Variants in FSIP2 observed in about 807,000 individuals in gnomAD.
The protein encoded by FSIP2 is fibrous sheath-interacting protein 2.
A neutral mutation model predicts 510.5 loss-of-function variants in FSIP2; 367 were observed. That is an observed-to-expected ratio of 0.72 (90% CI 0.66 to 0.78). FSIP2 has a LOEUF of 0.78. Among genes scored for constraint, FSIP2 ranks in the 30% least tolerant of loss-of-function variants. The pLI is 0.00. For missense variants in FSIP2, 7,594 were observed against 7,901.7 expected (o/e 0.96, Z 1.48); for synonymous variants, 2,601 against 2,732.2 (o/e 0.95, Z 1.50).
Position 185,802,545 on chromosome 2 carries a change from T to G in FSIP2, c.13239T>G (p.Ile4413Met), listed in dbSNP as rs1388000106. The G allele has an allele frequency of 6.5e-7, 1 of 1,530,128 alleles. No homozygotes were observed. The highest frequency in any genetic ancestry group is 1.4e-5 in the African/African-American group (1 of 72,622). 94.8% of individuals were successfully genotyped at this position (1,530,128 alleles called of 1,614,324 possible). Residue 4413 changes from isoleucine to methionine, a missense_variant, in exon 17 of 23, where the codon ATT becomes ATG. Transcript: ENST00000424728. ...TTACCAATTTAATTGTAGCAGCTAT[T>G]TCAGATTACCTTCTTCATCCACTGT... ...ENITNLIVAAISDYLLHPLFS... is the reference protein window; with the variant it reads ...ENITNLIVAAMSDYLLHPLFS...
chr2:185,745,116 G>T (rs1187323149), intron 4 of FSIP2: 1 of 171,144 alleles, frequency 5.8e-6, no homozygotes, highest in East Asian at 1.6e-4. Flanking sequence ...AAACAAGAAA[G>T]ACTTTAATAT....
At chr2:185,750,549 T>A (rs1692123725) in intron 7 of FSIP2, among the ~76,000 whole-genome samples, 1 of 150,652 alleles carries the variant, frequency 6.6e-6, no homozygotes, top group Non-Finnish European at 1.5e-5. Flanking sequence ...TCTTCTTATT[T>A]CTCTTTTTCT....
rs1693641933 is a variant in FSIP2, at chr2:185,808,400, C to A, written c.19094C>A (p.Ser6365Tyr). ...FLAKLIRLPS[S>Y]SSKDEKNLSK... is the part of the protein sequence containing the mutation. Reference sequence around the variant, plus strand: ...GCTAAACTAATAAGGTTGCCAAGTTCCTCAAGCAAAGATGAAAAAAACTTA... The same window carrying A: ...GCTAAACTAATAAGGTTGCCAAGTTACTCAAGCAAAGATGAAAAAAACTTA... Residue 6365 changes from serine to tyrosine, a missense_variant, in exon 17 of 23, where the codon TCC (serine) becomes TAC (tyrosine). Coordinates refer to ENST00000424728, the MANE Select transcript of FSIP2 (RefSeq NM_173651.4). 1 of 1,609,936 alleles carries A rather than the reference C, an allele frequency of 6.2e-7. No homozygotes were observed. Among genetic ancestry groups the A allele is most frequent in the East Asian group, 2.2e-5 (1 of 44,586 alleles).
In FSIP2 at chr2:185,806,806, T is replaced by G; in HGVS notation, c.17500T>G (p.Ser5834Ala). 2 of 1,611,726 alleles carry G rather than the reference T, an allele frequency of 1.2e-6. No individual in the cohort carries two copies. The highest frequency in any genetic ancestry group is 2.2e-5 in the South Asian group (2 of 90,858). The change falls in exon 17 of 23, where the codon TCA (serine) becomes GCA (alanine). Residue 5834 changes from serine (S) to alanine (A), a missense_variant. Physicochemically the swap from Ser to Ala is moderately conservative, Grantham distance 99. Transcript: ENST00000424728. ...TGACACTGCTATGAAACTCATCAAT[T>G]CACTGTTAAAGGAGTTCTCAGATGC... ...LYDTAMKLINSLLKEFSDAQI... is the reference protein window; with the variant it reads ...LYDTAMKLINALLKEFSDAQI...
chr2:185,745,372 A>T, intron 4 of FSIP2, 57 bp from the exon 5 acceptor site: 1 of 1,039,080 alleles, frequency 9.6e-7, no homozygotes, highest in Non-Finnish European at 1.3e-6. Flanking sequence ...AAATGGTTTT[A>T]TTTCTGGGAA....
intron 13 of FSIP2, among the ~76,000 whole-genome samples, chr2:185,770,029 T>A (rs751387480): frequency 1.1e-4 from 17 of 152,256 alleles, no homozygotes; most frequent in Middle Eastern, 3.4e-3. Flanking sequence ...GTTCTTTTTG[T>A]TTAGGATTGC....
intron 8 of FSIP2, among the ~76,000 whole-genome samples, 194 bp downstream of exon 8, chr2:185,754,036 T>G (rs1225610006): frequency 1.3e-5 from 2 of 151,480 alleles, no homozygotes; most frequent in African/African-American, 4.8e-5. Flanking sequence ...TATAACAATC[T>G]CATCAATTGG....
Position 185,745,564 on chromosome 2 carries a change from C to T in FSIP2, c.613C>T (p.His205Tyr). The T allele has an allele frequency of 6.5e-7, 1 of 1,531,080 alleles. No individual in the cohort carries two copies. Among genetic ancestry groups the T allele is most frequent in the Non-Finnish European group, 8.7e-7 (1 of 1,144,526 alleles). 94.8% of individuals were successfully genotyped at this position (1,531,080 alleles called of 1,614,324 possible). A position where few individuals can be genotyped will look rare whatever the true frequency, so the allele number is the denominator to read the frequency against. The part of the protein sequence containing the change: ...SIKDQERLMR[H>Y]RYLDMISRKL... Reference sequence around the variant, plus strand: ...TAAGGACCAGGAGCGGCTGATGAGGCATAGGTAAGATTAAAGTTGAGGCAT... The same window carrying T: ...TAAGGACCAGGAGCGGCTGATGAGGTATAGGTAAGATTAAAGTTGAGGCAT... Residue 205 changes from histidine to tyrosine, a missense_variant, in exon 5 of 23, where the codon CAT (histidine) becomes TAT (tyrosine). Transcript: ENST00000424728.
chr2:185,781,739 C>A (rs1050370380), intron 13 of FSIP2, among the ~76,000 whole-genome samples: 1 of 152,040 alleles, frequency 6.6e-6, no homozygotes, highest in Non-Finnish European at 1.5e-5. Context: ...GAATGCTAGG[C>A]AAAATTAAAA....
intron 16 of FSIP2, among the ~76,000 whole-genome samples, chr2:185,798,693 C>T (rs1359428703): frequency 6.6e-6 from 1 of 151,748 alleles, no homozygotes; most frequent in Non-Finnish European, 1.5e-5. Context: ...CAACTACAAA[C>T]TCTTAAATAG....
rs1247053261 is a variant in FSIP2, at chr2:185,806,064, T to G, written c.16758T>G (p.Phe5586Leu). 1.9e-6 allele frequency: 3 copies of G among 1,563,674 alleles called. No homozygotes were observed. The African/African-American group carries it at 4.1e-5, about 22-fold the overall frequency. ...KGKDDEIYTHFSLIIDDTEYE... is the reference protein window; with the variant it reads ...KGKDDEIYTHLSLIIDDTEYE... The stretch of plus-strand genomic sequence containing the variant: ...AAGATGATGAGATATACACACATTT[T>G]TCATTAATAATTGATGATACAGAAT... The change falls in exon 17 of 23, where the codon TTT (phenylalanine) becomes TTG (leucine). Residue 5586 changes from phenylalanine (F) to leucine (L), a missense_variant. Transcript: ENST00000424728.
In FSIP2 at chr2:185,797,515, T is replaced by C; in HGVS notation, c.10379T>C (p.Phe3460Ser). The C allele has an allele frequency of 6.7e-7, 1 of 1,496,676 alleles. No homozygotes were observed. Among genetic ancestry groups the C allele is most frequent in the Non-Finnish European group, 8.8e-7 (1 of 1,134,824 alleles). 92.7% of individuals were successfully genotyped at this position (1,496,676 alleles called of 1,614,324 possible). A position where few individuals can be genotyped will look rare whatever the true frequency, so the allele number is the denominator to read the frequency against. The change falls in exon 16 of 23, where the codon TTT becomes TCT. Residue 3460 changes from phenylalanine to serine, a missense_variant. Phe to Ser is a radical substitution (Grantham distance 155). Coordinates refer to ENST00000424728, the MANE Select transcript of FSIP2 (RefSeq NM_173651.4). ...TCTGTGGTCACATATTTGAAGAACT[T>C]TGAAACTACAGGTAAGCAAGAGAGA... is the stretch of plus-strand genomic sequence containing the variant. ...TTSVVTYLKN[F>S]ETTVFSEEKM...
At chr2:185,814,687 C>T (rs188127499) in intron 18 of FSIP2, among the ~76,000 whole-genome samples, 1 of 152,082 alleles carries the variant, frequency 6.6e-6, no homozygotes, top group Admixed American at 6.6e-5. Flanking sequence ...GTATAATCTA[C>T]ATTTTAATGG....
Position 185,789,380 on chromosome 2 carries a change from T to C in FSIP2, c.2244T>C (p.Asn748=). 2 of 1,535,052 alleles carry C rather than the reference T, an allele frequency of 1.3e-6. No homozygotes were observed. Residue 748 remains asparagine (N), a synonymous_variant, in exon 16 of 23, where the codon AAT becomes AAC. Coordinates refer to ENST00000424728, the MANE Select transcript of FSIP2 (RefSeq NM_173651.4). ...CEREKEILLS[N]AHIPSVASEI... is the part of the protein sequence containing the mutation. Reference sequence around the variant, plus strand: ...GTGAAAAAGAAATCTTGCTTTCCAATGCTCATATTCCCTCAGTTGCTTCTG... The same window carrying C: ...GTGAAAAAGAAATCTTGCTTTCCAACGCTCATATTCCCTCAGTTGCTTCTG...
chr2:185,830,154 C>A lies in FSIP2; in HGVS notation c.20518-1659C>A, dbSNP rs190084355. Among the ~76,000 whole-genome samples, 389 of 151,852 alleles carry A rather than the reference C, an allele frequency of 2.6e-3. 2 individuals are homozygous for A. The highest frequency in any genetic ancestry group is 9.0e-3 in the African/African-American group (373 of 41,466). On this transcript the variant is annotated intron_variant, in intron 21 of 22. Coordinates refer to ENST00000424728, the MANE Select transcript of FSIP2 (RefSeq NM_173651.4). ...AAACAAACAAACAAACGAAAAAAAT[C>A]AATGTTCTCTACAGGATTTTGAAAG...
chr2:185,802,440 T>A lies in FSIP2; in HGVS notation c.13134T>A (p.Tyr4378Ter), dbSNP rs1171874175. 10 of 1,533,906 alleles carry A rather than the reference T, an allele frequency of 6.5e-6. No homozygotes were observed. Among genetic ancestry groups the A allele is most frequent in the Non-Finnish European group, 8.7e-6 (10 of 1,145,524 alleles). The part of the protein sequence containing the change: ...DIVDELATSV[Y>*]RNALKQHGLD... ...TGGATGAACTTGCCACCTCAGTTTATAGAAATGCTTTAAAGCAGCATGGGC... is the reference window on the plus strand; with the variant it reads ...TGGATGAACTTGCCACCTCAGTTTAAAGAAATGCTTTAAAGCAGCATGGGC... Residue 4378 changes from tyrosine to a stop codon, truncating the protein, a stop_gained, in exon 17 of 23, where the codon TAT (tyrosine) becomes TAA (stop). Coordinates refer to ENST00000424728, the MANE Select transcript of FSIP2 (RefSeq NM_173651.4). LOFTEE classifies it high-confidence loss of function.
intron 13 of FSIP2, among the ~76,000 whole-genome samples, chr2:185,778,961 G>A (rs145715323): frequency 4.6e-5 from 7 of 151,912 alleles, no homozygotes; most frequent in African/African-American, 1.7e-4. Context: ...TATCTTCCAG[G>A]TGAATTGAAT....
rs557122167 is a variant in FSIP2, at chr2:185,760,196, C to A, written c.1079-792C>A. Among the ~76,000 whole-genome samples the A allele has an allele frequency of 8.0e-5, 11 of 137,892 alleles. 1 individual carries two copies. In the South Asian group the frequency reaches 2.5e-3, roughly 32 times the overall value. The allele number at this position is 137,892 out of a possible 152,430, so 90.5% of individuals were successfully genotyped here. A position where few individuals can be genotyped will look rare whatever the true frequency, so the allele number is the denominator to read the frequency against. On this transcript the variant is annotated intron_variant, in intron 9 of 22. Coordinates refer to ENST00000424728, the MANE Select transcript of FSIP2 (RefSeq NM_173651.4). ...GTTTTTTATTTCATTCTTTCTCTCT[C>A]TTTTTATGTTTTTAAAAAATTTTAC...
At chr2:185,741,198 G>A (rs1544713) in intron 2 of FSIP2, among the ~76,000 whole-genome samples, 82,513 of 151,854 alleles carry the variant, frequency 0.54, 22,665 homozygotes, top group South Asian at 0.64. Flanking sequence ...TTTCTCTGTC[G>A]ACCATTAATT....
Sources: allele counts gnomAD v4.1 joint callset (sites outside exome capture counted in the v4.1 genomes callset), GRCh38; gene constraint gnomAD v4.1.1; transcripts MANE v1.5; gene names NCBI Gene and HGNC (gene_info 2026-07-23, HGNC 2026-07-21).